The following COL5A3 variants were observed in gnomAD, a reference collection of about 807,000 sequenced individuals.
COL5A3 encodes the protein collagen alpha-3(V) chain.
Under a neutral mutation model 250.0 loss-of-function variants are expected in COL5A3, and 172 were observed. The observed-to-expected ratio is 0.69, with a 90% CI of 0.61 to 0.78. The LOEUF is 0.78. Ranked by LOEUF, COL5A3 falls within the 30% of genes least tolerant of loss-of-function variation. The pLI is 0.00. For missense variants in COL5A3, 2,340 were observed against 2,334.4 expected (o/e 1.00, Z -0.05); for synonymous variants, 937 against 900.4 (o/e 1.04, Z -0.73).
chr19:9,986,824 C>T, intron 27 of COL5A3, 66 bp from the exon 28 acceptor site: 11 of 1,572,630 alleles, frequency 7.0e-6, no homozygotes, highest in Non-Finnish European at 9.6e-6. Context: ...AGACTCAGTC[C>T]CCTGCTCTAA....
At chr19:10,008,245 G>T (rs967802137) in intron 1 of COL5A3, among the ~76,000 whole-genome samples, 10 of 152,170 alleles carry the variant, frequency 6.6e-5, no homozygotes, top group African/African-American at 2.4e-4. Flanking sequence ...CTCTGCAGAG[G>T]AAAGAGGGTC....
Position 9,970,641 on chromosome 19 carries a change from G to A in COL5A3, c.3917C>T (p.Pro1306Leu). 1 of 1,456,302 alleles carries A rather than the reference G, an allele frequency of 6.9e-7. No individual in the cohort carries two copies. The highest frequency in any genetic ancestry group is 1.5e-5 in the South Asian group (1 of 65,238). The allele number at this position is 1,456,302 out of a possible 1,614,324, so 90.2% of individuals were successfully genotyped here. Residue 1306 changes from proline (P) to leucine (L), a missense_variant, in exon 54 of 67, where the codon CCC (proline) becomes CTC (leucine). Physicochemically the swap from Pro to Leu is moderately conservative, Grantham distance 98 (BLOSUM62 -3). Around this residue, in one of 3 missense-constraint regions of COL5A3, gnomAD observed 1,179 missense variants for 1,162.6 expected, o/e 1.01. Coordinates refer to ENST00000264828, the MANE Select transcript of COL5A3 (RefSeq NM_015719.4). Reference protein sequence around the residue: ...PPGASGEPGAPGPPGKRGPSG... With the variant: ...PPGASGEPGALGPPGKRGPSG... ...ACTTACCCTCTTGCCGGGGGGCCCG[G>A]GGGCGCCGGGCTCCCCAGAAGCTCC...
At chr19:9,996,581 T>TC (rs750307993) in intron 12 of COL5A3, 34 bp downstream of exon 12, 1 of 1,613,378 alleles carries the variant, frequency 6.2e-7, no homozygotes, top group South Asian at 1.1e-5. Flanking sequence ...AGGACTCCAC[T>TC]CCCCAAGGCT....
In COL5A3 at chr19:10,010,461, C is replaced by A. The variant is rs2087514671; in HGVS notation, c.-76G>T. On this transcript the variant is annotated 5_prime_UTR_variant, in exon 1 of 67. Transcript: ENST00000264828. ...GCGCGGCGACTTCTCGGGCTCGGTG[C>A]AGTCACTCGCGGCGGCCGCTCCTCT... The A allele has an allele frequency of 1.0e-6, 1 of 990,078 alleles. No individual in the cohort carries two copies. The highest frequency in any genetic ancestry group is 4.3e-5 in the Admixed American group (1 of 23,506). The allele number at this position is 990,078 out of a possible 1,614,324, so 61.3% of individuals were successfully genotyped here. A position where few individuals can be genotyped will look rare whatever the true frequency, so the allele number is the denominator to read the frequency against.
chr19:9,996,332 T>C, intron 13 of COL5A3, 70 bp from the exon 14 acceptor site: 1 of 1,550,192 alleles, frequency 6.5e-7, no homozygotes, highest in Non-Finnish European at 8.7e-7. Context: ...AGAGGCATCT[T>C]CAGGAGAAAA....
At chr19:9,964,258 G>C (rs2086708435) in intron 64 of COL5A3, among the ~76,000 whole-genome samples, 1 of 151,796 alleles carries the variant, frequency 6.6e-6, no homozygotes, top group African/African-American at 2.4e-5. Context: ...GAGCTATGAT[G>C]ATGCCACTGC....
Position 9,993,596 on chromosome 19 carries a change from GGGGA to G in COL5A3, c.1695+19_1695+22del. On this transcript the variant is annotated intron_variant, in intron 18 of 66. Coordinates refer to ENST00000264828, the MANE Select transcript of COL5A3 (RefSeq NM_015719.4). ...ATATTGGGAGGAGGGCTTAGACTTGGGGGAGGGACCTCACACACTCACCCTTTGG... is the reference window on the plus strand; with the variant it reads ...ATATTGGGAGGAGGGCTTAGACTTGGGGGACCTCACACACTCACCCTTTGG... 6.2e-7 allele frequency: 1 copy of G among 1,613,152 alleles called. No homozygotes were observed. The highest frequency in any genetic ancestry group is 1.3e-5 in the African/African-American group (1 of 74,920).
rs67181648 is a variant in COL5A3, at chr19:9,988,833, C to CAAA, written c.2145+288_2145+290dup. On this transcript the variant is annotated intron_variant, in intron 27 of 66. Coordinates refer to ENST00000264828, the MANE Select transcript of COL5A3 (RefSeq NM_015719.4). ...TGGGCGACAAAGCGAGACTCTGTCT[C>CAAA]AAAAAAAAAAAAAAAAAAAAAAAAA... 9.1e-3 allele frequency among the ~76,000 whole-genome samples: 352 copies of CAAA among 38,882 alleles called. 1 individual carries two copies. Among genetic ancestry groups the CAAA allele is most frequent in the Non-Finnish European group, 0.011 (241 of 22,728 alleles). 25.5% of individuals were successfully genotyped at this position (38,882 alleles called of 152,430 possible).
chr19:9,966,592 T>C lies in COL5A3; in HGVS notation c.4613A>G (p.Glu1538Gly). The C allele has an allele frequency of 6.5e-7, 1 of 1,540,924 alleles. No individual in the cohort carries two copies. Among genetic ancestry groups the C allele is most frequent in the Non-Finnish European group, 8.7e-7 (1 of 1,147,196 alleles). Residue 1538 changes from glutamate to glycine, a missense_variant, in exon 63 of 67, where the codon GAG (glutamate) becomes GGG (glycine). Glu to Gly is a moderately conservative substitution (Grantham distance 98, BLOSUM62 -2). Around this residue, in one of 3 missense-constraint regions of COL5A3, gnomAD observed 1,179 missense variants for 1,162.6 expected, o/e 1.01. Transcript: ENST00000264828. ...CTCGTGGCACACGAGGCCCGGGCGCTCCGCAGTGCCGGGAGGACGCCGCAG... is the reference window on the plus strand; with the variant it reads ...CTCGTGGCACACGAGGCCCGGGCGCCCCGCAGTGCCGGGAGGACGCCGCAG... ...EQLRRPPGTA[E>G]RPGLVCHELH...
At chr19:9,990,955 T>C (rs759736681) in intron 24 of COL5A3, among the ~76,000 whole-genome samples, 1 of 152,224 alleles carries the variant, frequency 6.6e-6, no homozygotes, top group Non-Finnish European at 1.5e-5. Context: ...CCGGGCATGA[T>C]GGCTCTCGCC....
rs563068838 is a variant in COL5A3 at position 9,985,776 on chromosome 19, A to G, written c.2406+66T>C. On this transcript the variant is annotated intron_variant, in intron 31 of 66. Coordinates refer to ENST00000264828, the MANE Select transcript of COL5A3 (RefSeq NM_015719.4). ...CTCATCCCCCAAGACCACAGCCTGGACCCCCAGATGTTAGTCTCTGAATCC... is the reference window on the plus strand; with the variant it reads ...CTCATCCCCCAAGACCACAGCCTGGGCCCCCAGATGTTAGTCTCTGAATCC... 51 of 1,430,918 alleles carry G rather than the reference A, an allele frequency of 3.6e-5. No homozygotes were observed. In the East Asian group the frequency reaches 6.2e-4, roughly 17 times the overall value. 88.6% of individuals were successfully genotyped at this position (1,430,918 alleles called of 1,614,324 possible). A position where few individuals can be genotyped will look rare whatever the true frequency, so the allele number is the denominator to read the frequency against.
At position 9,966,717 on chromosome 19, in the gene COL5A3, G is replaced by A; in HGVS notation, c.4488C>T (p.Arg1496=). Residue 1496 remains arginine, a synonymous_variant, in exon 63 of 67, where the codon CGC becomes CGT. Transcript: ENST00000264828. ...PGAPAELHGL[R]RRRRFVPVPL... is the part of the protein sequence containing the mutation. ...GGACTGGGACGAAGCGCCGGCGCCT[G>A]CGCAGCCCATGCAGCTCGGCAGGGG... 1 of 1,537,102 alleles carries A rather than the reference G, an allele frequency of 6.5e-7. No homozygotes were observed. Among genetic ancestry groups the A allele is most frequent in the South Asian group, 1.2e-5 (1 of 84,046 alleles).
chr19:9,969,447 C>T (rs748612303), intron 56 of COL5A3, 45 bp from the exon 57 acceptor site: 3 of 1,598,640 alleles, frequency 1.9e-6, no homozygotes, highest in African/African-American at 1.3e-5. Context: ...CCTGTCAGAA[C>T]ACAGTGTGGA....
intron 41 of COL5A3, among the ~76,000 whole-genome samples, chr19:9,978,212 T>A (rs577087208): frequency 4.0e-4 from 61 of 152,102 alleles, no homozygotes; most frequent in African/African-American, 1.4e-3. Context: ...AGGCTTCCCA[T>A]CATGGCTATT....
chr19:9,970,002 G>T, intron 54 of COL5A3, 80 bp from the exon 55 acceptor site: 1 of 1,063,962 alleles, frequency 9.4e-7, no homozygotes, highest in Non-Finnish European at 1.4e-6. Flanking sequence ...GTGACTGGGG[G>T]GTTATGGATG....
chr19:9,989,102 T>C (rs745682371), intron 27 of COL5A3, 22 bp downstream of exon 27: 2 of 1,613,480 alleles, frequency 1.2e-6, no homozygotes, highest in Admixed American at 1.7e-5. Context: ...AAATCACTCA[T>C]ACCTGCAAGC....
chr19:10,000,159 A>C (rs1190125784), intron 8 of COL5A3, among the ~76,000 whole-genome samples: 1 of 152,086 alleles, frequency 6.6e-6, no homozygotes, highest in Non-Finnish European at 1.5e-5. Flanking sequence ...TCGGAACAAC[A>C]GTCCACCATC....
intron 1 of COL5A3, among the ~76,000 whole-genome samples, chr19:10,008,553 G>A (rs966284499): frequency 3.3e-5 from 5 of 152,156 alleles, no homozygotes; most frequent in Admixed American, 6.5e-5. Context: ...GGACAGAGGC[G>A]GGGACTGAGT....
intron 6 of COL5A3, among the ~76,000 whole-genome samples, chr19:10,002,543 C>A (rs759612759): frequency 3.3e-4 from 49 of 150,352 alleles, no homozygotes; most frequent in Non-Finnish European, 5.8e-4. Flanking sequence ...CCACAAACAA[C>A]CCCTCCCACT....
Sources: gnomAD v4.1 joint callset for allele counts (sites outside exome capture counted in the v4.1 genomes callset) on GRCh38, gnomAD v4.1.1 for gene constraint, gnomAD v4.1.1 regional missense constraint, MANE v1.5 for transcripts, NCBI Gene and HGNC (gene_info 2026-07-23, HGNC 2026-07-21) for gene names.